Variants in ABCA1 observed in about 807,000 individuals in gnomAD.
ABCA1 encodes the protein ATP binding cassette subfamily A member 1, also known as phospholipid-transporting ATPase ABCA1.
Under a neutral mutation model 262.5 loss-of-function variants are expected in ABCA1, and 133 were observed. That is an observed-to-expected ratio of 0.51 (90% CI 0.44 to 0.59). The LOEUF (loss-of-function observed/expected upper bound fraction) is 0.59. Ranked by LOEUF, ABCA1 falls within the 20% of genes least tolerant of loss-of-function variation. The pLI is 0.00. For synonymous variants in ABCA1, 1,022 were observed against 1,043.5 expected, an observed-to-expected ratio of 0.98 and a Z score of 0.40; for missense variants, 2,452 against 2,777.5, an observed-to-expected ratio of 0.88 and a Z score of 2.63.
intron 11 of ABCA1, 23 bp from the exon 12 acceptor site, chr9:104,832,794 C>T (rs1290390410): frequency 2.5e-6 from 4 of 1,611,514 alleles, no homozygotes; most frequent in Non-Finnish European, 3.4e-6. Context: ...TGAGAAAGTA[C>T]AAGTAGTAAA....
intron 31 of ABCA1, among the ~76,000 whole-genome samples, 158 bp downstream of exon 31, chr9:104,806,083 C>T (rs529030725): frequency 1.1e-4 from 16 of 151,930 alleles, no homozygotes; most frequent in South Asian, 4.2e-4. Context: ...CCAGCCTGGG[C>T]GACAGAGCAA....
chr9:104,786,443 G>T, intron 47 of ABCA1, 53 bp from the exon 48 acceptor site: 2 of 1,481,896 alleles, frequency 1.3e-6, no homozygotes, highest in South Asian at 2.3e-5. Context: ...CTGTAACCAT[G>T]AGAACATCAC....
At chr9:104,922,875 C>T (rs142234285) in intron 1 of ABCA1, among the ~76,000 whole-genome samples, 11,417 of 152,062 alleles carry the variant, frequency 0.075, 1,318 homozygotes, top group African/African-American at 0.25. Context: ...CACCACCACG[C>T]CCAGCTAATT....
At chr9:104,921,249 C>T (rs1842126305) in intron 1 of ABCA1, among the ~76,000 whole-genome samples, 1 of 152,154 alleles carries the variant, frequency 6.6e-6, no homozygotes, top group African/African-American at 2.4e-5. Flanking sequence ...AATGTTTTGA[C>T]TTCCAAATGC....
chr9:104,862,479 C>T (rs1836509777), intron 5 of ABCA1, among the ~76,000 whole-genome samples: 1 of 151,852 alleles, frequency 6.6e-6, no homozygotes. Flanking sequence ...CCTGTCTCCC[C>T]ACTGCCTTTT....
In ABCA1 at chr9:104,828,934, C is replaced by T; in HGVS notation, c.2097G>A (p.Leu699=). The T allele has an allele frequency of 6.2e-7, 1 of 1,614,136 alleles. No homozygotes were observed. The highest frequency in any genetic ancestry group is 8.5e-7 in the Non-Finnish European group (1 of 1,180,022). ...GCCTTACCTTCAGGATGACCACTAG[C>T]AGGCCAGCGCTCACAAGAAGAGGAA... ...SLIPLLVSAG[L]LVVILKLGNL... Residue 699 remains leucine (L), a synonymous_variant, in exon 15 of 50, where the codon CTG becomes CTA. Coordinates refer to ENST00000374736, the MANE Select transcript of ABCA1 (RefSeq NM_005502.4).
intron 28 of ABCA1, 26 bp downstream of exon 28, chr9:104,812,548 T>C: frequency 6.2e-7 from 1 of 1,613,808 alleles, no homozygotes. Flanking sequence ...GAAGCCAGAG[T>C]CTCTGGCGAA....
chr9:104,823,720 G>A (rs1212352599), intron 18 of ABCA1, among the ~76,000 whole-genome samples: 1 of 152,108 alleles, frequency 6.6e-6, no homozygotes, highest in Non-Finnish European at 1.5e-5. Flanking sequence ...TGGAGGTGTG[G>A]AAGAACATGA....
intron 7 of ABCA1, chr9:104,856,091 A>T: frequency 1.9e-6 from 3 of 1,585,028 alleles, no homozygotes; most frequent in Non-Finnish European, 2.6e-6. Flanking sequence ...ACATCCATCT[A>T]CCATCACAAA....
chr9:104,824,383 C>G (rs995860833), intron 18 of ABCA1, 82 bp downstream of exon 18: 5 of 1,594,684 alleles, frequency 3.1e-6, no homozygotes, highest in Non-Finnish European at 4.3e-6. Context: ...TTTAGAAAGG[C>G]AGGAGACATC....
At chr9:104,811,519 T>C (rs1404274500) in intron 28 of ABCA1, among the ~76,000 whole-genome samples, 7 of 152,168 alleles carry the variant, frequency 4.6e-5, no homozygotes, top group Non-Finnish European at 1.0e-4. Context: ...AAATATCCAA[T>C]TCCTTCTTCA....
chr9:104,861,346 G>C, intron 6 of ABCA1: 2 of 483,958 alleles, frequency 4.1e-6, no homozygotes, highest in South Asian at 4.8e-5. Context: ...CCTTAACCAC[G>C]GTTATTGCCT....
intron 30 of ABCA1, among the ~76,000 whole-genome samples, chr9:104,809,079 C>T (rs1235659656): frequency 1.3e-5 from 2 of 152,114 alleles, no homozygotes; most frequent in African/African-American, 4.8e-5. Context: ...ATTATAAAAG[C>T]GAAGAAGCTG....
At position 104,816,195 on chromosome 9, in the gene ABCA1, A is replaced by G; in HGVS notation, c.3686T>C (p.Leu1229Pro). 1 of 1,614,120 alleles carries G rather than the reference A, an allele frequency of 6.2e-7. No homozygotes were observed. Among genetic ancestry groups the G allele is most frequent in the Non-Finnish European group, 8.5e-7 (1 of 1,180,036 alleles). Residue 1229 changes from leucine to proline, a missense_variant, in exon 25 of 50, where the codon CTC (leucine) becomes CCC (proline). Coordinates refer to ENST00000374736, the MANE Select transcript of ABCA1 (RefSeq NM_005502.4). ...VELFHEIDDRLSDLGISSYGI... is the reference protein window; with the variant it reads ...VELFHEIDDRPSDLGISSYGI... ...ATAACTAGAAATGCCCAGGTCTGAG[A>G]GCCGGTCATCAATCTCATGAAAGAG...
Position 104,819,616 on chromosome 9 carries a change from T to C in ABCA1, c.3211A>G (p.Ile1071Val). 1 of 1,614,190 alleles carries C rather than the reference T, an allele frequency of 6.2e-7. No individual in the cohort carries two copies. The highest frequency in any genetic ancestry group is 8.5e-7 in the Non-Finnish European group (1 of 1,180,024). Reference protein sequence around the residue: ...AGVDPYSRRGIWELLLKYRQG... With the variant: ...AGVDPYSRRGVWELLLKYRQG... ...CGGTATTTCAGCAGCAGCTCCCATA[T>C]TCCCCTGCGGGAGTAAGGGTCCACA... is the stretch of plus-strand genomic sequence containing the variant. Residue 1071 changes from isoleucine (I) to valine (V), a missense_variant, in exon 22 of 50, where the codon ATA becomes GTA. Ile to Val is a conservative substitution (Grantham distance 29). Coordinates refer to ENST00000374736, the MANE Select transcript of ABCA1 (RefSeq NM_005502.4).
Position 104,888,061 on chromosome 9 carries a change from GT to G in ABCA1, c.160+1040del, listed in dbSNP as rs1564252294. Among the ~76,000 whole-genome samples the G allele has an allele frequency of 8.1e-4, 108 of 133,532 alleles. No homozygotes were observed. The East Asian group carries it at 0.022, about 27-fold the overall frequency. 87.6% of individuals were successfully genotyped at this position (133,532 alleles called of 152,430 possible). On this transcript the variant is annotated intron_variant, in intron 3 of 49. Transcript: ENST00000374736. ...TCTCAGAAAATGTTTCTTGAGGGGT[GT>G]GTGTGTGTGTGTGTGTGTGTGTGTG...
At position 104,884,652 on chromosome 9, in the gene ABCA1, C is replaced by T. The variant is rs367757166; in HGVS notation, c.161-84G>A. ...TTGAGGCTCCATTTATACAATGCTT[C>T]ATGCCAAGTCTGTCCGTCCCATTCC... On this transcript the variant is annotated intron_variant, in intron 3 of 49. Coordinates refer to ENST00000374736, the MANE Select transcript of ABCA1 (RefSeq NM_005502.4). 52 of 1,499,890 alleles carry T rather than the reference C, an allele frequency of 3.5e-5. No homozygotes were observed. In the African/African-American group the frequency reaches 5.0e-4, roughly 14 times the overall value. 92.9% of individuals were successfully genotyped at this position (1,499,890 alleles called of 1,614,324 possible). A position where few individuals can be genotyped will look rare whatever the true frequency, so the allele number is the denominator to read the frequency against.
intron 9 of ABCA1, among the ~76,000 whole-genome samples, chr9:104,839,950 G>A (rs151032318): frequency 6.6e-6 from 1 of 152,206 alleles, no homozygotes; most frequent in Non-Finnish European, 1.5e-5. Context: ...GATCTTGCAG[G>A]ATTTGTCCTT....
chr9:104,845,670 TAACA>T, intron 7 of ABCA1, 101 bp from the exon 8 acceptor site: 2 of 851,026 alleles, frequency 2.4e-6, no homozygotes, highest in South Asian at 2.9e-5. Flanking sequence ...ATCTTGAGTT[TAACA>T]AACAAGAAAC....
Sources: gnomAD v4.1 joint callset for allele counts (sites outside exome capture counted in the v4.1 genomes callset) on GRCh38, gnomAD v4.1.1 for gene constraint, MANE v1.5 for transcripts, NCBI Gene and HGNC (gene_info 2026-07-23, HGNC 2026-07-21) for gene names.